CLDN16: variants seen among roughly 807,000 people sequenced by gnomAD.
The protein encoded by CLDN16 is claudin 16.
CLDN16 carries 13 observed loss-of-function variants against 24.6 expected under a neutral mutation model. That is an observed-to-expected ratio of 0.53 (90% CI 0.34 to 0.84). The LOEUF is 0.84. CLDN16 is among the 40% of genes least tolerant of loss of function. The probability of loss-of-function intolerance (pLI) is 0.01; values close to 1 mark genes in which losing one functional copy is unlikely to be tolerated. For synonymous variants in CLDN16, 116 were observed against 106.7 expected (o/e 1.09, Z -0.54); for missense variants, 298 against 292.7 (o/e 1.02, Z -0.13).
the CLDN16 span, among the ~76,000 whole-genome samples, chr3:190,297,575 A>G: frequency 7.7e-4 from 108 of 139,422 alleles, no homozygotes; most frequent in Non-Finnish European, 1.2e-3. Flanking sequence ...TATAGTATAT[A>G]ATATATAATA....
At chr3:190,381,185 G>A (rs1718363216) in intron 3 of CLDN16, among the ~76,000 whole-genome samples, 1 of 152,014 alleles carries the variant, frequency 6.6e-6, no homozygotes. Context: ...GAGAACTCTT[G>A]GTAATTTCCT....
the CLDN16 span, among the ~76,000 whole-genome samples, chr3:190,290,663 G>A: frequency 6.6e-6 from 1 of 152,124 alleles, no homozygotes. Flanking sequence ...TCTTAAAATA[G>A]AGGGGTAATA....
chr3:190,308,238 C>T, the CLDN16 span: 19 of 1,609,360 alleles, frequency 1.2e-5, no homozygotes, highest in South Asian at 3.3e-5. Flanking sequence ...TGTCCATTTT[C>T]GGTTTGTTTC....
intron 4 of CLDN16, among the ~76,000 whole-genome samples, chr3:190,409,546 G>A (rs1719217234): frequency 2.0e-5 from 3 of 151,748 alleles, no homozygotes; most frequent in African/African-American, 7.3e-5. Flanking sequence ...TCAACTAAAT[G>A]TATATTTAGT....
At chr3:190,338,812 G>A (rs1270086044) in intron 1 of CLDN16, among the ~76,000 whole-genome samples, 1 of 152,232 alleles carries the variant, frequency 6.6e-6, no homozygotes, top group Non-Finnish European at 1.5e-5. Flanking sequence ...TGTGAGAAGT[G>A]AATGGATTTG....
At chr3:190,349,897 G>A (rs1717634458) in intron 1 of CLDN16, among the ~76,000 whole-genome samples, 2 of 152,224 alleles carry the variant, frequency 1.3e-5, no homozygotes, top group South Asian at 4.1e-4. Context: ...GTTCAGACTG[G>A]GTCAGCCTTG....
At chr3:190,350,972 C>T (rs867446394) in intron 1 of CLDN16, among the ~76,000 whole-genome samples, 1 of 152,038 alleles carries the variant, frequency 6.6e-6, no homozygotes, top group Non-Finnish European at 1.5e-5. Flanking sequence ...TGAAATATGA[C>T]CCCTATGTTT....
chr3:190,398,741 CGTGT>C (rs1001949338), intron 1 of CLDN16, among the ~76,000 whole-genome samples: 20 of 151,970 alleles, frequency 1.3e-4, no homozygotes, highest in Non-Finnish European at 2.5e-4. Context: ...ATTTATATTG[CGTGT>C]GTATTTGTAA....
intron 1 of CLDN16, among the ~76,000 whole-genome samples, chr3:190,336,325 A>T (rs775609389): frequency 7.9e-5 from 12 of 152,214 alleles, no homozygotes; most frequent in Non-Finnish European, 1.3e-4. Flanking sequence ...TGTGCTTCAG[A>T]GAGTGGGAGT....
chr3:190,367,970 C>T (rs1489556991), intron 1 of CLDN16, among the ~76,000 whole-genome samples: 1 of 151,852 alleles, frequency 6.6e-6, no homozygotes, highest in African/African-American at 2.4e-5. Flanking sequence ...TTCCAGAAAT[C>T]TCTGTAATCT....
chr3:190,396,113 G>A (rs1464150260), intron 1 of CLDN16, among the ~76,000 whole-genome samples: 1 of 152,168 alleles, frequency 6.6e-6, no homozygotes, highest in Non-Finnish European at 1.5e-5. Context: ...GGTTAGAGAA[G>A]TCTTAATGGG....
intron 1 of CLDN16, among the ~76,000 whole-genome samples, chr3:190,351,051 T>C (rs1378145935): frequency 2.0e-5 from 3 of 152,062 alleles, no homozygotes; most frequent in African/African-American, 7.2e-5. Flanking sequence ...GGTGCTCTCC[T>C]TGATTAATGA....
At chr3:190,308,172 C>T in the CLDN16 span, 1 of 1,341,224 alleles carries the variant, frequency 7.5e-7, no homozygotes, top group Non-Finnish European at 1.1e-6. Flanking sequence ...TAATACCATA[C>T]TTCAGATTAC....
chr3:190,344,702 A>T (rs74475829), intron 1 of CLDN16, among the ~76,000 whole-genome samples: 1 of 121,330 alleles, frequency 8.2e-6, no homozygotes, highest in African/African-American at 3.8e-5. Flanking sequence ...CTGTGGAAAT[A>T]AAAAAAAAAA....
At chr3:190,360,710 C>CT (rs570039853) in intron 1 of CLDN16, among the ~76,000 whole-genome samples, 2 of 151,552 alleles carry the variant, frequency 1.3e-5, no homozygotes, top group Non-Finnish European at 1.5e-5. Flanking sequence ...CTCGGATTAA[C>CT]TTTTTTTTCT....
the CLDN16 span, chr3:190,308,140 TTTTGTTTG>T: frequency 9.5e-7 from 1 of 1,050,048 alleles, no homozygotes; most frequent in Non-Finnish European, 1.5e-6. Context: ...CACATGGGTT[TTTTGTTTG>T]TTTGTTTGTT....
intron 1 of CLDN16, among the ~76,000 whole-genome samples, chr3:190,343,319 CA>C (rs1398377666): frequency 6.6e-6 from 1 of 151,938 alleles, no homozygotes; most frequent in Non-Finnish European, 1.5e-5. Context: ...AAATGTTGAT[CA>C]GGGTGTGGAA....
At chr3:190,366,205 G>A (rs957090274) in intron 1 of CLDN16, among the ~76,000 whole-genome samples, 2 of 151,846 alleles carry the variant, frequency 1.3e-5, no homozygotes, top group African/African-American at 4.8e-5. Context: ...TTTAAATTAG[G>A]ATTTATAGCT....
At chr3:190,325,462 A>G (rs1359013356) in intron 1 of CLDN16, among the ~76,000 whole-genome samples, 1 of 152,118 alleles carries the variant, frequency 6.6e-6, no homozygotes, top group Non-Finnish European at 1.5e-5. Flanking sequence ...TACCCTGGGG[A>G]TTTAGAATCA....
Sources: gnomAD v4.1 joint callset for allele counts (sites outside exome capture counted in the v4.1 genomes callset) on GRCh38, gnomAD v4.1.1 for gene constraint, MANE v1.5 for transcripts, NCBI Gene and HGNC (gene_info 2026-07-23, HGNC 2026-07-21) for gene names.